Variants in FREM2 observed in about 807,000 individuals in gnomAD.
FREM2 encodes the protein FRAS1-related extracellular matrix protein 2.
A neutral mutation model predicts 219.9 loss-of-function variants in FREM2; 119 were observed. That is an observed-to-expected ratio of 0.54 (90% CI 0.47 to 0.63). The LOEUF (loss-of-function observed/expected upper bound fraction) is 0.63, where lower values mean the gene tolerates loss of function less well. Ranked by LOEUF, FREM2 falls within the 30% of genes least tolerant of loss-of-function variation. The probability of loss-of-function intolerance (pLI) is 0.00; values close to 1 mark genes in which losing one functional copy is unlikely to be tolerated. For missense variants in FREM2, 4,030 were observed against 3,993.6 expected, an observed-to-expected ratio of 1.01 and a Z score of -0.25; for synonymous variants, 1,562 against 1,522.8, an observed-to-expected ratio of 1.03 and a Z score of -0.60.
intron 2 of FREM2, among the ~76,000 whole-genome samples, chr13:38,752,602 C>G (rs1022440900): frequency 4.6e-5 from 7 of 152,058 alleles, no homozygotes; most frequent in African/African-American, 1.4e-4. Flanking sequence ...GGAAACAAGT[C>G]AGATTAAAAA....
chr13:38,811,165 C>A (rs1449780648), intron 6 of FREM2, among the ~76,000 whole-genome samples: 2 of 151,876 alleles, frequency 1.3e-5, no homozygotes, highest in African/African-American at 4.8e-5. Context: ...GTAATGCCTC[C>A]TTTTTCATCA....
In FREM2 at chr13:38,860,044, C is replaced by T. The variant is rs558359039; in HGVS notation, c.7519+454C>T. On this transcript the variant is annotated intron_variant, in intron 14 of 23. Transcript: ENST00000280481. ...CAACTCATAAAAGCAAGAAAGAATG[C>T]GGGATATTGTGGGAATGGCAAGCAG... Among the ~76,000 whole-genome samples, 32 of 152,002 alleles carry T rather than the reference C, an allele frequency of 2.1e-4. No individual in the cohort carries two copies. In the South Asian group the frequency reaches 5.2e-3, roughly 25 times the overall value.
At chr13:38,693,851 G>A (rs966422457) in intron 1 of FREM2, among the ~76,000 whole-genome samples, 3 of 152,226 alleles carry the variant, frequency 2.0e-5, no homozygotes, top group Non-Finnish European at 4.4e-5. Flanking sequence ...GTCTCCCAGG[G>A]CCTGCAGGGA....
intron 17 of FREM2, among the ~76,000 whole-genome samples, chr13:38,873,745 T>C (rs777773017): frequency 6.6e-6 from 1 of 152,174 alleles, no homozygotes; most frequent in Non-Finnish European, 1.5e-5. Flanking sequence ...AAAACAGAGT[T>C]AATAGTGCAC....
At chr13:38,851,923 G>C in intron 11 of FREM2, 55 bp downstream of exon 11, 1 of 1,464,198 alleles carries the variant, frequency 6.8e-7, no homozygotes, top group Non-Finnish European at 9.6e-7. Flanking sequence ...CTGTGTTTCA[G>C]TGCCAGTGCC....
At chr13:38,827,724 A>G (rs1876348642) in intron 6 of FREM2, among the ~76,000 whole-genome samples, 1 of 152,152 alleles carries the variant, frequency 6.6e-6, no homozygotes, top group South Asian at 2.1e-4. Context: ...GCAGGACCTC[A>G]GGACTGTGAG....
intron 7 of FREM2, among the ~76,000 whole-genome samples, chr13:38,847,236 G>A (rs1303460588): frequency 1.3e-5 from 2 of 152,026 alleles, no homozygotes; most frequent in Admixed American, 6.6e-5. Flanking sequence ...TTTTATTCCG[G>A]GATCCACATC....
intron 6 of FREM2, among the ~76,000 whole-genome samples, chr13:38,828,474 G>A (rs924109972): frequency 1.3e-5 from 2 of 152,040 alleles, no homozygotes; most frequent in Admixed American, 6.6e-5. Context: ...TTATGAAGCC[G>A]AGGTAGGAGG....
chr13:38,721,448 A>T (rs1293482915), intron 2 of FREM2, among the ~76,000 whole-genome samples: 3 of 152,130 alleles, frequency 2.0e-5, no homozygotes, highest in Non-Finnish European at 4.4e-5. Context: ...CCACCCAGGG[A>T]GGGGGACGCA....
At chr13:38,850,324 A>G (rs1380084882) in intron 9 of FREM2, 89 bp downstream of exon 9, 5 of 1,064,158 alleles carry the variant, frequency 4.7e-6, no homozygotes, top group African/African-American at 1.6e-5. Flanking sequence ...AAGTTCCTCG[A>G]TATCAACAAG....
intron 2 of FREM2, among the ~76,000 whole-genome samples, chr13:38,720,100 G>A (rs1488446736): frequency 1.3e-5 from 2 of 152,168 alleles, no homozygotes; most frequent in East Asian, 3.9e-4. Context: ...AAAGGGAAGT[G>A]TAACAGTGCC....
rs1877689257 is a variant in FREM2 at position 38,859,559 on chromosome 13, G to A, written c.7488G>A (p.Met2496Ile). 6.2e-7 allele frequency: 1 copy of A among 1,613,944 alleles called. No individual in the cohort carries two copies. The highest frequency in any genetic ancestry group is 1.3e-5 in the African/African-American group (1 of 74,916). The change falls in exon 14 of 24, where the codon ATG becomes ATA. Residue 2496 changes from methionine (M) to isoleucine (I), a missense_variant. Physicochemically the swap from Met to Ile is conservative, Grantham distance 10. Transcript: ENST00000280481. The part of the protein sequence containing the change: ...NTNGDEGLEL[M>I]SPIVTISREE... ...ATGGGGATGAAGGCCTGGAGCTCAT[G>A]AGCCCTATTGTAACCATCAGCAGAG...
chr13:38,720,406 T>G (rs942280906), intron 2 of FREM2, among the ~76,000 whole-genome samples: 4 of 152,218 alleles, frequency 2.6e-5, no homozygotes, highest in African/African-American at 9.6e-5. Flanking sequence ...GCCAGCCACG[T>G]TGCTTAAAGC....
At chr13:38,779,635 A>G (rs746521090) in intron 4 of FREM2, 1 of 152,198 alleles carries the variant, frequency 6.6e-6, no homozygotes, top group Non-Finnish European at 1.5e-5. Flanking sequence ...TTCCATTTAA[A>G]GCAAAACTTC....
At position 38,863,018 on chromosome 13, in the gene FREM2, C is replaced by G. The variant is rs145047391; in HGVS notation, c.7652-1257C>G. Among the ~76,000 whole-genome samples the G allele has an allele frequency of 1.0e-3, 159 of 152,182 alleles. 1 individual carries two copies. In the East Asian group the frequency reaches 0.027, roughly 26 times the overall value. On this transcript the variant is annotated intron_variant, in intron 15 of 23. Coordinates refer to ENST00000280481, the MANE Select transcript of FREM2 (RefSeq NM_207361.6). Reference sequence around the variant, plus strand: ...ATGGAACAAATTTTCAGTCCTTAGCCTGTACTTTTTAATGGTGGTAGTTTT... The same window carrying G: ...ATGGAACAAATTTTCAGTCCTTAGCGTGTACTTTTTAATGGTGGTAGTTTT...
intron 6 of FREM2, among the ~76,000 whole-genome samples, chr13:38,834,023 T>C (rs78946728): frequency 0.014 from 2,185 of 152,224 alleles, 58 homozygotes; most frequent in African/African-American, 0.05. Flanking sequence ...AAATTACCCC[T>C]TTTTTTAAAT....
chr13:38,712,162 G>T (rs1014305706), intron 2 of FREM2, among the ~76,000 whole-genome samples: 2 of 151,866 alleles, frequency 1.3e-5, no homozygotes, highest in African/African-American at 4.8e-5. Context: ...CCAAAGTGCT[G>T]GGATTACAGG....
At chr13:38,764,471 C>A (rs554999008) in intron 3 of FREM2, 21 bp downstream of exon 3, 62 of 1,376,660 alleles carry the variant, frequency 4.5e-5, no homozygotes, top group Non-Finnish European at 5.8e-5. Context: ...TTTTTTATTT[C>A]TGTTTTAAAA....
At chr13:38,876,187 G>T (rs1399017852) in intron 19 of FREM2, 38 bp downstream of exon 19, 2 of 1,613,908 alleles carry the variant, frequency 1.2e-6, no homozygotes, top group African/African-American at 1.3e-5. Flanking sequence ...TTCTTCTGCT[G>T]CTGCCATCTG....
Sources: gnomAD v4.1 joint callset for allele counts (sites outside exome capture counted in the v4.1 genomes callset) on GRCh38, gnomAD v4.1.1 for gene constraint, MANE v1.5 for transcripts, NCBI Gene and HGNC (gene_info 2026-07-23, HGNC 2026-07-21) for gene names.